RASSF3: variants seen among roughly 807,000 people sequenced by gnomAD.
RASSF3 encodes Ras association domain family member 3.
A neutral mutation model predicts 19.9 loss-of-function variants in RASSF3; 19 were observed. That is an observed-to-expected ratio of 0.96 (90% CI 0.67 to 1.40). The LOEUF (loss-of-function observed/expected upper bound fraction) is 1.40. Ranked by LOEUF, RASSF3 falls within the 40% of genes most tolerant of loss-of-function variation. The pLI, the probability that RASSF3 is intolerant of heterozygous loss-of-function variation, is 0.00. For missense variants in RASSF3, 306 were observed against 289.8 expected, an observed-to-expected ratio of 1.06 and a Z score of -0.41; for synonymous variants, 110 against 104.2, an observed-to-expected ratio of 1.06 and a Z score of -0.34.
At chr12:64,517,737 G>C (rs1416896713) in intron 1 of RASSF3, among the ~76,000 whole-genome samples, 2 of 151,730 alleles carry the variant, frequency 1.3e-5, no homozygotes, top group Non-Finnish European at 2.9e-5. Context: ...TCCCACCTCA[G>C]CCTCCCTAGT....
In RASSF3 at chr12:64,610,687, G is replaced by T. The variant is rs1215515301; in HGVS notation, c.55G>T (p.Ala19Ser). Residue 19 changes from alanine (A) to serine (S), a missense_variant, in exon 1 of 5, where the codon GCC (alanine) becomes TCC (serine). Ala to Ser is a moderately conservative substitution (Grantham distance 99). Coordinates refer to ENST00000542104, the MANE Select transcript of RASSF3 (RefSeq NM_178169.4). ...EEDAEDFFFT[A>S]RTSFFRRAPQ... is the part of the protein sequence containing the mutation. ...GGACGCCGAGGACTTCTTCTTCACC[G>T]CCAGGACCTCCTTCTTCAGGAGAGC... The T allele has an allele frequency of 6.3e-7, 1 of 1,595,404 alleles. No individual in the cohort carries two copies. The highest frequency in any genetic ancestry group is 2.4e-5 in the East Asian group (1 of 42,310).
chr12:64,543,773 C>G (rs940910087), downstream of RASSF3, among the ~76,000 whole-genome samples: 1 of 151,784 alleles, frequency 6.6e-6, no homozygotes, highest in Non-Finnish European at 1.5e-5. Context: ...TGTGAATACA[C>G]TAATTGGCTC....
At chr12:64,692,053 C>T (rs1868294928) in intron 4 of RASSF3, among the ~76,000 whole-genome samples, 2 of 151,970 alleles carry the variant, frequency 1.3e-5, no homozygotes, top group Admixed American at 1.3e-4. Context: ...TCTTTTTTTT[C>T]CCCCTTGCCC....
upstream of RASSF3, among the ~76,000 whole-genome samples, chr12:64,530,179 A>G (rs140979240): frequency 5.2e-3 from 786 of 152,252 alleles, 32 homozygotes; most frequent in Admixed American, 0.044. Context: ...CTTTTGGGGC[A>G]TTATATAAAT....
chr12:64,607,411 C>T (rs1373536486), upstream of RASSF3, among the ~76,000 whole-genome samples: 1 of 152,014 alleles, frequency 6.6e-6, no homozygotes, highest in Non-Finnish European at 1.5e-5. Context: ...CCTGTGTCGC[C>T]CAGGATAGAG....
intron 2 of RASSF3, among the ~76,000 whole-genome samples, chr12:64,562,532 T>C (rs1869365646): frequency 1.3e-5 from 2 of 152,162 alleles, no homozygotes; most frequent in South Asian, 2.1e-4. Flanking sequence ...ACCCCCATCT[T>C]TCTCTTCTAA....
At chr12:64,527,894 C>T (rs565434719) in intron 1 of RASSF3, among the ~76,000 whole-genome samples, 208 of 152,078 alleles carry the variant, frequency 1.4e-3, no homozygotes, top group African/African-American at 4.9e-3. Context: ...GAGATCAAGC[C>T]ACTGCACTCC....
At chr12:64,565,788 G>T (rs982167877) in intron 2 of RASSF3, among the ~76,000 whole-genome samples, 2 of 151,946 alleles carry the variant, frequency 1.3e-5, no homozygotes, top group Non-Finnish European at 2.9e-5. Context: ...GGGTGCTGAG[G>T]CAGGAGAACT....
At chr12:64,614,911 C>T (rs139302094) in intron 1 of RASSF3, among the ~76,000 whole-genome samples, 1 of 151,788 alleles carries the variant, frequency 6.6e-6, no homozygotes, top group Non-Finnish European at 1.5e-5. Context: ...GTTGGCCAGG[C>T]TGGTCTTGAA....
At chr12:64,568,506 C>T (rs74100505) in intron 2 of RASSF3, among the ~76,000 whole-genome samples, 1,683 of 152,270 alleles carry the variant, frequency 0.011, 31 homozygotes, top group African/African-American at 0.039. Context: ...CCTTTCCTCA[C>T]GGCCCCAACA....
chr12:64,692,093 T>C (rs1868295773), intron 4 of RASSF3, among the ~76,000 whole-genome samples: 1 of 152,186 alleles, frequency 6.6e-6, no homozygotes, highest in African/African-American at 2.4e-5. Context: ...TATGTTTCCA[T>C]GTGCATCATT....
chr12:64,614,704 T>C (rs868608403), intron 1 of RASSF3, among the ~76,000 whole-genome samples: 29 of 150,790 alleles, frequency 1.9e-4, no homozygotes, highest in South Asian at 4.2e-4. Context: ...CTTTTCTTTT[T>C]TTTTTTTTTT....
At chr12:64,635,560 T>C (rs1871303640) in intron 1 of RASSF3, among the ~76,000 whole-genome samples, 1 of 152,224 alleles carries the variant, frequency 6.6e-6, no homozygotes, top group South Asian at 2.1e-4. Flanking sequence ...CCATACTGAT[T>C]CATCTCATTC....
chr12:64,557,211 A>T (rs1869270508), intron 2 of RASSF3, among the ~76,000 whole-genome samples: 1 of 151,882 alleles, frequency 6.6e-6, no homozygotes, highest in Non-Finnish European at 1.5e-5. Flanking sequence ...TTGTTATGTG[A>T]CCCAAACTGT....
chr12:64,689,804 T>TTTTTTTTTTTTTTTTTTTTAA (rs11272662), intron 3 of RASSF3, among the ~76,000 whole-genome samples: 1 of 146,422 alleles, frequency 6.8e-6, no homozygotes. Context: ...TTTTTTTTTT[T>TTTTTTTTTTTTTTTTTTTTAA]GAGACGGAGT....
intron 1 of RASSF3, among the ~76,000 whole-genome samples, chr12:64,637,028 A>C (rs1039533380): frequency 6.6e-6 from 1 of 152,152 alleles, no homozygotes. Flanking sequence ...ATATATTCCC[A>C]AGTTTATATG....
chr12:64,553,551 C>G (rs1163549663), intron 2 of RASSF3, among the ~76,000 whole-genome samples: 1 of 152,168 alleles, frequency 6.6e-6, no homozygotes, highest in Non-Finnish European at 1.5e-5. Context: ...ACAGAAATCA[C>G]CAAATCTCAG....
intron 2 of RASSF3, among the ~76,000 whole-genome samples, chr12:64,571,209 C>T (rs868114913): frequency 4.6e-5 from 7 of 151,922 alleles, no homozygotes; most frequent in African/African-American, 1.5e-4. Context: ...AAAACTCCAT[C>T]TCAAAAAAAT....
chr12:64,583,419 G>A (rs1869736657), intron 2 of RASSF3, among the ~76,000 whole-genome samples: 1 of 152,084 alleles, frequency 6.6e-6, no homozygotes, highest in South Asian at 2.1e-4. Context: ...ATCAGGAGTT[G>A]GAGACCAGCC....
Sources: gnomAD v4.1 joint callset for allele counts (sites outside exome capture counted in the v4.1 genomes callset) on GRCh38, gnomAD v4.1.1 for gene constraint, MANE v1.5 for transcripts, NCBI Gene and HGNC (gene_info 2026-07-23, HGNC 2026-07-21) for gene names.